Variants in PDPR observed in about 807,000 individuals in gnomAD.
PDPR encodes pyruvate dehydrogenase phosphatase regulatory subunit, mitochondrial.
PDPR carries 50 observed loss-of-function variants against 102.2 expected under a neutral mutation model. The observed-to-expected ratio is 0.49, with a 90% CI of 0.39 to 0.62. PDPR has a LOEUF of 0.62. Ranked by LOEUF, PDPR falls within the 20% of genes least tolerant of loss-of-function variation. PDPR has a pLI of 0.00. For missense variants in PDPR, 625 were observed against 1,098.2 expected, an observed-to-expected ratio of 0.57 and a Z score of 6.09; for synonymous variants, 259 against 406.0, an observed-to-expected ratio of 0.64 and a Z score of 4.35.
chr16:70,115,969 GCCTTCTTTT>G (rs992469365), intron 2 of PDPR, among the ~76,000 whole-genome samples: 1 of 151,932 alleles, frequency 6.6e-6, no homozygotes, highest in African/African-American at 2.4e-5. Flanking sequence ...AGACTCTGGT[GCCTTCTTTT>G]CCTTCGTTGT....
chr16:70,143,561 C>A lies in PDPR; in HGVS notation c.1657C>A (p.Leu553Met), dbSNP rs1471947616. Reference protein sequence around the residue: ...EVLQYLFSNDLDVPVGHIVHT... With the variant: ...EVLQYLFSNDMDVPVGHIVHT... The stretch of plus-strand genomic sequence containing the variant: ...TCTACAGTACCTCTTCTCCAATGAC[C>A]TGGATGTGCCTGTGGGCCACATTGT... Residue 553 changes from leucine (L) to methionine (M), a missense_variant, in exon 14 of 19, where the codon CTG (leucine) becomes ATG (methionine). Physicochemically the swap from Leu to Met is conservative, Grantham distance 15. Transcript: ENST00000288050. 1 of 1,613,378 alleles carries A rather than the reference C, an allele frequency of 6.2e-7. No individual in the cohort carries two copies. Among genetic ancestry groups the A allele is most frequent in the African/African-American group, 1.3e-5 (1 of 75,066 alleles).
rs1361972618 is a variant in PDPR, at chr16:70,121,692, A to C, written c.227+973A>C. On this transcript the variant is annotated intron_variant, in intron 3 of 18. Coordinates refer to ENST00000288050, the MANE Select transcript of PDPR (RefSeq NM_017990.5). Reference sequence around the variant, plus strand: ...GGGTGACAGAGCGAGACTGTCTCAAAAAAAAAAAAAAAGAATACAGGCCTT... The same window carrying C: ...GGGTGACAGAGCGAGACTGTCTCAACAAAAAAAAAAAAGAATACAGGCCTT... Among the ~76,000 whole-genome samples the C allele has an allele frequency of 2.7e-4, 41 of 150,350 alleles. No individual in the cohort carries two copies. The East Asian group carries it at 7.4e-3, about 27-fold the overall frequency.
chr16:70,136,694 G>A (rs1473507044), intron 10 of PDPR, among the ~76,000 whole-genome samples: 1 of 152,178 alleles, frequency 6.6e-6, no homozygotes, highest in Admixed American at 6.6e-5. Context: ...GTGTATTTGA[G>A]TTTGGTAGCC....
At chr16:70,149,282 T>C (rs1966509809) in intron 17 of PDPR, among the ~76,000 whole-genome samples, 1 of 152,120 alleles carries the variant, frequency 6.6e-6, no homozygotes, top group East Asian at 1.9e-4. Context: ...TTTTTTTTAA[T>C]TGAGGCAGAG....
intron 3 of PDPR, among the ~76,000 whole-genome samples, chr16:70,127,005 T>C (rs1964044519): frequency 6.6e-6 from 1 of 152,282 alleles, no homozygotes; most frequent in African/African-American, 2.4e-5. Context: ...CTACCATGCC[T>C]GGCTAATTTT....
intron 3 of PDPR, among the ~76,000 whole-genome samples, chr16:70,122,060 C>T (rs1354248928): frequency 3.3e-5 from 5 of 152,320 alleles, no homozygotes; most frequent in South Asian, 4.1e-4. Flanking sequence ...AATTTCTGCT[C>T]ACTGCAACCT....
intron 14 of PDPR, among the ~76,000 whole-genome samples, chr16:70,144,144 G>A (rs1429428477): frequency 6.6e-6 from 1 of 151,376 alleles, no homozygotes; most frequent in Non-Finnish European, 1.5e-5. Flanking sequence ...TGCCCACCTT[G>A]GCCTCCAAAG....
At chr16:70,117,651 C>T (rs1275536516) in intron 2 of PDPR, among the ~76,000 whole-genome samples, 2 of 152,196 alleles carry the variant, frequency 1.3e-5, no homozygotes, top group Non-Finnish European at 2.9e-5. Flanking sequence ...ACTCACGCCT[C>T]ACCTGATATG....
At position 70,157,149 on chromosome 16, in the gene PDPR, C is replaced by T; in HGVS notation, c.*270C>T. On this transcript the variant is annotated 3_prime_UTR_variant, in exon 19 of 19. Transcript: ENST00000288050. ...CTTCTCGTGGTGGCAGGAGGTATGT[C>T]TGACAGGACAGAAGCAAGCTCCACT... The T allele has an allele frequency of 1.5e-6, 1 of 657,224 alleles. No homozygotes were observed. The highest frequency in any genetic ancestry group is 2.8e-6 in the Non-Finnish European group (1 of 359,674). The allele number at this position is 657,224 out of a possible 1,614,324, so 40.7% of individuals were successfully genotyped here.
intron 3 of PDPR, among the ~76,000 whole-genome samples, chr16:70,125,188 C>T (rs1262895868): frequency 1.3e-5 from 2 of 152,340 alleles, no homozygotes; most frequent in East Asian, 3.9e-4. Context: ...ACCAGCCTGG[C>T]CAACATGGCA....
chr16:70,124,829 T>A (rs1963755379), intron 3 of PDPR, among the ~76,000 whole-genome samples: 1 of 152,236 alleles, frequency 6.6e-6, no homozygotes, highest in South Asian at 2.1e-4. Flanking sequence ...GTAAATACAG[T>A]AAACTCAAGT....
chr16:70,132,915 C>T (rs1294157836), intron 9 of PDPR, among the ~76,000 whole-genome samples: 29 of 152,176 alleles, frequency 1.9e-4, no homozygotes, highest in African/African-American at 7.0e-4. Context: ...TGAGCTCAAG[C>T]AATCCTGCCA....
chr16:70,155,729 T>C (rs369892176), intron 18 of PDPR, among the ~76,000 whole-genome samples: 351 of 152,216 alleles, frequency 2.3e-3, no homozygotes, highest in Non-Finnish European at 3.9e-3. Flanking sequence ...TTATTTGTTG[T>C]ACATATGTGT....
At chr16:70,125,118 G>A (rs2549274) in intron 3 of PDPR, among the ~76,000 whole-genome samples, 8 of 149,076 alleles carry the variant, frequency 5.4e-5, no homozygotes, top group South Asian at 2.1e-4. Context: ...GGCTTATGCC[G>A]GTAATCCCAG....
In PDPR at chr16:70,156,640, A is replaced by G. The variant is rs201033817; in HGVS notation, c.2401A>G (p.Ser801Gly). The stretch of plus-strand genomic sequence containing the variant: ...TGGGCAGTATGTTGGCAAGACCACC[A>G]GCAGTGCCTACAGCTACAGCCTGGA... ...RNGQYVGKTT[S>G]SAYSYSLERH... is the part of the protein sequence containing the mutation. The change falls in exon 19 of 19, where the codon AGC (serine) becomes GGC (glycine). Residue 801 changes from serine to glycine, a missense_variant. By Grantham distance (56) the Ser-to-Gly change is moderately conservative (BLOSUM62 0). This residue lies in a region of PDPR where 303 missense variants were observed against 258.9 expected (regional missense o/e 1.17). Coordinates refer to ENST00000288050, the MANE Select transcript of PDPR (RefSeq NM_017990.5). The G allele has an allele frequency of 2.0e-3, 3,277 of 1,612,552 alleles. No individual in the cohort carries two copies. Among genetic ancestry groups the G allele is most frequent in the Non-Finnish European group, 2.5e-3 (2,998 of 1,178,450 alleles).
At chr16:70,138,117 C>A (rs145518504) in intron 10 of PDPR, among the ~76,000 whole-genome samples, 18,968 of 141,096 alleles carry the variant, frequency 0.13, no homozygotes, top group African/African-American at 0.15. Flanking sequence ...TCTCGGCTCA[C>A]CACAACCTCT....
chr16:70,137,348 T>G (rs937986238), intron 10 of PDPR, among the ~76,000 whole-genome samples: 1 of 152,214 alleles, frequency 6.6e-6, no homozygotes, highest in Non-Finnish European at 1.5e-5. Context: ...AGAGCGAGAC[T>G]CTATCTCAAT....
intron 10 of PDPR, among the ~76,000 whole-genome samples, chr16:70,138,459 C>T (rs1287637597): frequency 2.0e-5 from 3 of 152,176 alleles, no homozygotes; most frequent in South Asian, 2.1e-4. Flanking sequence ...TCAAGTGATC[C>T]GTCTGCCTCG....
chr16:70,152,807 G>A (rs995657613), intron 17 of PDPR, among the ~76,000 whole-genome samples: 2 of 152,280 alleles, frequency 1.3e-5, no homozygotes, highest in Admixed American at 6.5e-5. Flanking sequence ...ATCTGATAAC[G>A]TACATGTTTC....
Sources: allele counts gnomAD v4.1 joint callset (sites outside exome capture counted in the v4.1 genomes callset), GRCh38; gene constraint gnomAD v4.1.1; regional missense constraint gnomAD v4.1.1; transcripts MANE v1.5; gene names NCBI Gene and HGNC (gene_info 2026-07-23, HGNC 2026-07-21).